PCDHA7: variants seen among roughly 807,000 people sequenced by gnomAD.
PCDHA7 encodes protocadherin alpha-7.
A neutral mutation model predicts 57.2 loss-of-function variants in PCDHA7; 37 were observed. The observed-to-expected ratio is 0.65, with a 90% CI of 0.50 to 0.85. The LOEUF (loss-of-function observed/expected upper bound fraction) is 0.85, where lower values mean the gene tolerates loss of function less well. Among genes scored for constraint, PCDHA7 ranks in the 40% least tolerant of loss-of-function variants. PCDHA7 has a pLI of 0.00. For synonymous variants in PCDHA7, 553 were observed against 558.8 expected (o/e 0.99, Z 0.15); for missense variants, 1,188 against 1,241.8 (o/e 0.96, Z 0.65).
At chr5:140,999,551 G>C (rs1189671768) in intron 3 of PCDHA7, among the ~76,000 whole-genome samples, 3 of 152,088 alleles carry the variant, frequency 2.0e-5, no homozygotes, top group East Asian at 1.9e-4. Context: ...CAATGAAGAG[G>C]GGGTATTTTG....
Position 140,862,950 on chromosome 5 carries a change from G to T in PCDHA7, c.2355+26212G>T, listed in dbSNP as rs559605019. The T allele has an allele frequency of 5.5e-6, 3 of 541,462 alleles. No homozygotes were observed. The East Asian group carries it at 1.4e-4, about 26-fold the overall frequency. 33.5% of individuals were successfully genotyped at this position (541,462 alleles called of 1,614,324 possible). A position where few individuals can be genotyped will look rare whatever the true frequency, so the allele number is the denominator to read the frequency against. ...GGCGGCGCTGTGAGTGAGCTGGTGC[G>T]GTATTCAGTGGATGCAGGCCACTTG... On this transcript the variant is annotated intron_variant, in intron 1 of 3. Coordinates refer to ENST00000525929, the MANE Select transcript of PCDHA7 (RefSeq NM_018910.3).
intron 1 of PCDHA7, chr5:140,863,338 C>T (rs1297413635): frequency 1.3e-5 from 18 of 1,361,566 alleles, no homozygotes; most frequent in Non-Finnish European, 1.8e-5. Flanking sequence ...GCTCACGTTG[C>T]TGCTGTACAC....
chr5:140,969,418 TTAACAG>T (rs782375088), intron 1 of PCDHA7: 40 of 1,564,272 alleles, frequency 2.6e-5, no homozygotes, highest in Non-Finnish European at 3.4e-5. Context: ...TATTGAGTCA[TTAACAG>T]TGACAAGAGT....
At chr5:140,968,781 C>G in intron 1 of PCDHA7, 1 of 1,614,182 alleles carries the variant, frequency 6.2e-7, no homozygotes. Context: ...TCACTATCAG[C>G]CTCTGTGGCC....
chr5:140,954,284 C>G (rs1719232084), intron 1 of PCDHA7, among the ~76,000 whole-genome samples: 1 of 152,158 alleles, frequency 6.6e-6, no homozygotes, highest in South Asian at 2.1e-4. Context: ...ATTTATATTC[C>G]TTTGGGTACA....
intron 1 of PCDHA7, among the ~76,000 whole-genome samples, chr5:140,977,726 C>T (rs368776202): frequency 2.0e-5 from 3 of 152,290 alleles, no homozygotes; most frequent in African/African-American, 7.2e-5. Flanking sequence ...GATCATTTCT[C>T]TCCTGGGTGT....
At chr5:140,979,710 A>G (rs1178718053) in intron 2 of PCDHA7, among the ~76,000 whole-genome samples, 1 of 152,268 alleles carries the variant, frequency 6.6e-6, no homozygotes, top group Non-Finnish European at 1.5e-5. Flanking sequence ...GAGGTGATCC[A>G]GTATCCATGC....
At chr5:140,951,767 G>A (rs561938687) in intron 1 of PCDHA7, among the ~76,000 whole-genome samples, 2 of 152,160 alleles carry the variant, frequency 1.3e-5, no homozygotes, top group South Asian at 2.1e-4. Context: ...ATCTCATGAC[G>A]TTCTTACATT....
chr5:140,834,789 A>G lies in PCDHA7; in HGVS notation c.406A>G (p.Thr136Ala), dbSNP rs1164245907. 4 of 1,613,586 alleles carry G rather than the reference A, an allele frequency of 2.5e-6. No homozygotes were observed. The African/African-American group carries it at 5.3e-5, about 22-fold the overall frequency. The part of the protein sequence containing the change: ...INDNPPVFPA[T>A]QRNLFIAESR... Reference sequence around the variant, plus strand: ...CGACAACCCTCCGGTGTTCCCAGCGACACAAAGGAATCTGTTCATCGCGGA... The same window carrying G: ...CGACAACCCTCCGGTGTTCCCAGCGGCACAAAGGAATCTGTTCATCGCGGA... The change falls in exon 1 of 4, where the codon ACA becomes GCA. Residue 136 changes from threonine to alanine, a missense_variant. This residue lies in a region of PCDHA7 where 194 missense variants were observed against 185.8 expected (regional missense o/e 1.04). Coordinates refer to ENST00000525929, the MANE Select transcript of PCDHA7 (RefSeq NM_018910.3).
At chr5:140,999,784 T>C (rs1176844844) in intron 3 of PCDHA7, among the ~76,000 whole-genome samples, 1 of 152,202 alleles carries the variant, frequency 6.6e-6, no homozygotes, top group African/African-American at 2.4e-5. Context: ...AACCTAGAAA[T>C]GGCAGAGTTA....
intron 1 of PCDHA7, chr5:140,966,878 G>A (rs2096064555): frequency 6.3e-7 from 1 of 1,587,174 alleles, no homozygotes; most frequent in African/African-American, 1.3e-5. Flanking sequence ...GCTGCTACCT[G>A]GCCCTGCGGC....
At chr5:141,002,948 C>A (rs2098104348) in intron 3 of PCDHA7, among the ~76,000 whole-genome samples, 1 of 152,152 alleles carries the variant, frequency 6.6e-6, no homozygotes, top group African/African-American at 2.4e-5. Flanking sequence ...CAGCACATGC[C>A]CCTCTGAGAG....
At chr5:140,889,705 CA>C (rs1440108575) in intron 1 of PCDHA7, among the ~76,000 whole-genome samples, 2 of 152,132 alleles carry the variant, frequency 1.3e-5, no homozygotes, top group Non-Finnish European at 1.5e-5. Flanking sequence ...GCATATTCCA[CA>C]AGTTCTTTGC....
chr5:140,895,413 C>T (rs141941836), intron 1 of PCDHA7, among the ~76,000 whole-genome samples: 52 of 152,240 alleles, frequency 3.4e-4, no homozygotes, highest in African/African-American at 1.0e-3. Flanking sequence ...GCCCCATAAC[C>T]TTCTTTTGCT....
chr5:140,966,413 A>G, intron 1 of PCDHA7: 2 of 419,134 alleles, frequency 4.8e-6, no homozygotes, highest in South Asian at 1.0e-4. Flanking sequence ...GAATCAGAGC[A>G]GGACTTGCTG....
intron 3 of PCDHA7, among the ~76,000 whole-genome samples, chr5:141,007,395 C>CAAAAAAAAAA (rs35800918): frequency 8.4e-5 from 8 of 94,862 alleles, no homozygotes; most frequent in African/African-American, 1.7e-4. Flanking sequence ...TACTAAAATA[C>CAAAAAAAAAA]AAAAAAAAAA....
intron 1 of PCDHA7, among the ~76,000 whole-genome samples, chr5:140,893,868 AGATC>A (rs1369386852): frequency 1.3e-5 from 2 of 152,168 alleles, no homozygotes; most frequent in Non-Finnish European, 2.9e-5. Context: ...GAAACAACCC[AGATC>A]CAAAGTGGCC....
intron 1 of PCDHA7, chr5:140,862,315 C>G (rs1554156143): frequency 3.2e-6 from 1 of 317,246 alleles, no homozygotes; most frequent in African/African-American, 2.2e-5. Context: ...CCGTCATAGC[C>G]CTAATCAGTG....
At chr5:140,921,285 T>G (rs1275527554) in intron 1 of PCDHA7, among the ~76,000 whole-genome samples, 1 of 152,180 alleles carries the variant, frequency 6.6e-6, no homozygotes. Context: ...GAAAAAAACC[T>G]CAAATTTGCT....
Sources: gnomAD v4.1 joint callset for allele counts (sites outside exome capture counted in the v4.1 genomes callset) on GRCh38, gnomAD v4.1.1 for gene constraint, gnomAD v4.1.1 regional missense constraint, MANE v1.5 for transcripts, NCBI Gene and HGNC (gene_info 2026-07-23, HGNC 2026-07-21) for gene names.